The following DOCK11 variants were observed in gnomAD, a reference collection of about 807,000 sequenced individuals.
The protein encoded by DOCK11 is dedicator of cytokinesis protein 11.
DOCK11 carries 70 observed loss-of-function variants against 169.1 expected under a neutral mutation model. That is an observed-to-expected ratio of 0.41 (90% CI 0.34 to 0.51). The LOEUF is 0.51. DOCK11 is among the 20% of genes least tolerant of loss of function. The pLI is 0.10. For missense variants in DOCK11, 1,166 were observed against 1,538.8 expected (o/e 0.76, Z 4.05); for synonymous variants, 529 against 541.3 (o/e 0.98, Z 0.32).
intron 1 of DOCK11, among the ~76,000 whole-genome samples, chrX:118,533,094 C>T (rs946966206): frequency 9.0e-6 from 1 of 111,066 alleles, no homozygotes; most frequent in East Asian, 2.8e-4. Context: ...CGGGTTTAAG[C>T]GATTCTCCCG....
intron 45 of DOCK11, among the ~76,000 whole-genome samples, chrX:118,666,705 C>CT (rs1200921299): frequency 6.3e-5 from 7 of 111,641 alleles, no homozygotes; most frequent in African/African-American, 2.3e-4. Flanking sequence ...TTGACATATG[C>CT]TTTTTTTCTC....
chrX:118,661,164 A>G (rs755471390), intron 44 of DOCK11, among the ~76,000 whole-genome samples: 1 of 106,772 alleles, frequency 9.4e-6, no homozygotes, highest in South Asian at 4.3e-4. Flanking sequence ...AGCTATGATC[A>G]CGCTACTGCA....
chrX:118,598,454 A>T (rs1461578284), intron 22 of DOCK11, among the ~76,000 whole-genome samples: 1 of 110,808 alleles, frequency 9.0e-6, no homozygotes, highest in Non-Finnish European at 1.9e-5. Flanking sequence ...AAATTACATG[A>T]TCTTTTAATT....
At chrX:118,649,862 G>A (rs1289758600) in intron 41 of DOCK11, among the ~76,000 whole-genome samples, 1 of 111,642 alleles carries the variant, frequency 9.0e-6, no homozygotes, top group Non-Finnish European at 1.9e-5. Context: ...CCTGGAGCAA[G>A]TTACTTCCTT....
At chrX:118,628,305 G>A (rs1189216654) in intron 34 of DOCK11, 33 bp downstream of exon 34, 2 of 1,005,401 alleles carry the variant, frequency 2.0e-6, no homozygotes, top group African/African-American at 3.8e-5. Flanking sequence ...TGACCCTAGT[G>A]ACACATTAGC....
chrX:118,543,037 G>C, intron 3 of DOCK11, 22 bp downstream of exon 3: 1 of 1,113,934 alleles, frequency 9.0e-7, no homozygotes, highest in Non-Finnish European at 1.2e-6. Flanking sequence ...AAAGGCCACA[G>C]AAGAATATTC....
chrX:118,599,177 G>T lies in DOCK11; in HGVS notation c.2511G>T (p.Leu837=). Reference sequence around the variant, plus strand: ...ACAAATTCTTCCATCATTGCCAGCTGATTCAGTCAGGCTCGAAAGAAGTTC... The same window carrying T: ...ACAAATTCTTCCATCATTGCCAGCTTATTCAGTCAGGCTCGAAAGAAGTTC... The part of the protein sequence containing the change: ...HVHKFFHHCQ[L]IQSGSKEVPG... The change falls in exon 23 of 53, where the codon CTG becomes CTT. Residue 837 remains leucine, a synonymous_variant. Transcript: ENST00000276202. The T allele has an allele frequency of 8.3e-7, 1 of 1,210,857 alleles. No homozygotes were observed.
intron 20 of DOCK11, among the ~76,000 whole-genome samples, chrX:118,596,570 G>C (rs1487331532): frequency 8.9e-6 from 1 of 111,879 alleles, no homozygotes; most frequent in Non-Finnish European, 1.9e-5. Context: ...ACTCAGTCCA[G>C]AGCAAGCTTT....
chrX:118,650,757 A>T (rs10907032), intron 41 of DOCK11, among the ~76,000 whole-genome samples: 1 of 110,960 alleles, frequency 9.0e-6, no homozygotes, highest in Non-Finnish European at 1.9e-5. Context: ...TCAAAGCATC[A>T]GTTTTCTTTA....
chrX:118,658,933 A>G (rs2016147814), intron 44 of DOCK11, among the ~76,000 whole-genome samples: 1 of 111,593 alleles, frequency 9.0e-6, no homozygotes, highest in Admixed American at 9.5e-5. Context: ...GGATTCACCC[A>G]TCAACCCAGA....
chrX:118,602,922 T>A (rs192476771), intron 23 of DOCK11, among the ~76,000 whole-genome samples: 14 of 112,260 alleles, frequency 1.2e-4, no homozygotes, highest in Non-Finnish European at 2.4e-4. Context: ...TTGTTCTGGA[T>A]GCTATGAATC....
chrX:118,528,346 G>T (rs1382246452), intron 1 of DOCK11, among the ~76,000 whole-genome samples: 1 of 112,305 alleles, frequency 8.9e-6, no homozygotes, highest in Non-Finnish European at 1.9e-5. Context: ...ATGAGAAGGG[G>T]ATTTGATCCA....
intron 32 of DOCK11, among the ~76,000 whole-genome samples, chrX:118,625,560 C>A (rs2015082281): frequency 8.9e-6 from 1 of 112,001 alleles, no homozygotes; most frequent in Non-Finnish European, 1.9e-5. Context: ...AAAACAAATT[C>A]CAAGAGAACA....
chrX:118,649,204 C>T (rs2015889128), intron 41 of DOCK11, 77 bp downstream of exon 41: 2 of 824,209 alleles, frequency 2.4e-6, no homozygotes, highest in African/African-American at 4.2e-5. Flanking sequence ...CAGAGCCACC[C>T]AATCCAGTCC....
intron 31 of DOCK11, among the ~76,000 whole-genome samples, chrX:118,622,963 C>G (rs2015011541): frequency 8.9e-6 from 1 of 112,260 alleles, no homozygotes; most frequent in Non-Finnish European, 1.9e-5. Context: ...CGCCTGTAAT[C>G]CCAGCACTTT....
chrX:118,646,053 C>CAAAAA (rs754457760), intron 40 of DOCK11, among the ~76,000 whole-genome samples: 7 of 38,854 alleles, frequency 1.8e-4, no homozygotes, highest in South Asian at 1.9e-3. Flanking sequence ...GAGACTTCGT[C>CAAAAA]AAAAAAAAAA....
In DOCK11 at chrX:118,578,559, T is replaced by C. The variant is rs746979992; in HGVS notation, c.1424T>C (p.Ile475Thr). The C allele has an allele frequency of 5.0e-6, 6 of 1,207,233 alleles. No homozygotes were observed. In the East Asian group the frequency reaches 1.2e-4, roughly 24 times the overall value. The change falls in exon 13 of 53, where the codon ATT becomes ACT. Residue 475 changes from isoleucine (I) to threonine (T), a missense_variant. Ile to Thr is a moderately conservative substitution (Grantham distance 89). Transcript: ENST00000276202. The part of the protein sequence containing the change: ...IFSVTNPHPE[I>T]FLVARIEKVL... Reference sequence around the variant, plus strand: ...TCAGTGACGAATCCACATCCTGAAATTTTTCTAGTTGCCAGAATTGAAAAG... The same window carrying C: ...TCAGTGACGAATCCACATCCTGAAACTTTTCTAGTTGCCAGAATTGAAAAG...
intron 6 of DOCK11, among the ~76,000 whole-genome samples, chrX:118,559,065 C>T (rs2012819235): frequency 8.9e-6 from 1 of 111,867 alleles, no homozygotes; most frequent in Non-Finnish European, 1.9e-5. Context: ...AAGCTACCTA[C>T]CCTAGTGTCA....
Position 118,588,446 on chromosome X carries a change from G to T in DOCK11, c.2014G>T (p.Asp672Tyr). ...RNIAVCVEFRDSDESDASALK... is the reference protein window; with the variant it reads ...RNIAVCVEFRYSDESDASALK... ...CATTGCAGTCTGTGTGGAATTCCGG[G>T]ATTCAGATGAAAGTGACGCTAGTGC... The change falls in exon 18 of 53, where the codon GAT becomes TAT. Residue 672 changes from aspartate to tyrosine, a missense_variant. Transcript: ENST00000276202. The T allele has an allele frequency of 8.4e-7, 1 of 1,191,399 alleles. No homozygotes were observed. Among genetic ancestry groups the T allele is most frequent in the Non-Finnish European group, 1.1e-6 (1 of 886,122 alleles).
Sources: gnomAD v4.1 joint callset for allele counts (sites outside exome capture counted in the v4.1 genomes callset) on GRCh38, gnomAD v4.1.1 for gene constraint, MANE v1.5 for transcripts, NCBI Gene and HGNC (gene_info 2026-07-23, HGNC 2026-07-21) for gene names.